The following MAG variants were observed in gnomAD, a reference collection of about 807,000 sequenced individuals.
MAG encodes the protein myelin associated glycoprotein.
MAG carries 30 observed loss-of-function variants against 60.7 expected under a neutral mutation model. That is an observed-to-expected ratio of 0.49 (90% CI 0.37 to 0.67). The LOEUF is 0.67. Ranked by LOEUF, MAG falls within the 30% of genes least tolerant of loss-of-function variation. MAG has a pLI of 0.00. For missense variants in MAG, 795 were observed against 851.7 expected, an observed-to-expected ratio of 0.93 and a Z score of 0.83; for synonymous variants, 384 against 376.8, an observed-to-expected ratio of 1.02 and a Z score of -0.22.
At chr19:35,307,293 T>G (rs1330585989) in intron 7 of MAG, among the ~76,000 whole-genome samples, 4 of 152,220 alleles carry the variant, frequency 2.6e-5, no homozygotes, top group Non-Finnish European at 4.4e-5. Flanking sequence ...CGTGTGCCCG[T>G]GTGACTCCCA....
chr19:35,307,889 G>C (rs187486614), intron 7 of MAG, among the ~76,000 whole-genome samples: 5 of 150,816 alleles, frequency 3.3e-5, no homozygotes, highest in African/African-American at 1.2e-4. Context: ...GCGGCTTTAG[G>C]GGAGGAAGTG....
chr19:35,308,213 G>A (rs982334801), intron 7 of MAG, among the ~76,000 whole-genome samples: 3 of 152,200 alleles, frequency 2.0e-5, no homozygotes, highest in South Asian at 4.1e-4. Flanking sequence ...AGAAGGAGAC[G>A]CCGCATGGGT....
chr19:35,302,814 C>A (rs2066458635), intron 7 of MAG, 106 bp downstream of exon 7: 4 of 1,390,510 alleles, frequency 2.9e-6, no homozygotes, highest in Non-Finnish European at 3.9e-6. Context: ...TTTGCCTGTC[C>A]TCCGCAGAGA....
At chr19:35,310,209 G>T (rs568201530) in intron 8 of MAG, 48 bp downstream of exon 8, 3 of 1,562,632 alleles carry the variant, frequency 1.9e-6, no homozygotes, top group African/African-American at 2.7e-5. Flanking sequence ...GAGCGGGCAC[G>T]TCTTAGATCC....
intron 7 of MAG, among the ~76,000 whole-genome samples, chr19:35,304,921 C>G (rs954176858): frequency 6.6e-6 from 1 of 152,154 alleles, no homozygotes; most frequent in Non-Finnish European, 1.5e-5. Flanking sequence ...GGAGAAAACT[C>G]AAGGGCGGAA....
intron 7 of MAG, among the ~76,000 whole-genome samples, chr19:35,306,204 C>G (rs572400150): frequency 9.9e-5 from 15 of 150,856 alleles, no homozygotes; most frequent in African/African-American, 2.7e-4. Flanking sequence ...GTCCCACCCC[C>G]CCACTCCCCC....
At position 35,310,582 on chromosome 19, in the gene MAG, G is replaced by T; in HGVS notation, c.1555G>T (p.Ala519Ser). The T allele has an allele frequency of 6.2e-7, 1 of 1,614,130 alleles. No individual in the cohort carries two copies. Among genetic ancestry groups the T allele is most frequent in the Non-Finnish European group, 8.5e-7 (1 of 1,180,034 alleles). Residue 519 changes from alanine to serine, a missense_variant, in exon 9 of 11, where the codon GCC becomes TCC. Ala to Ser is a moderately conservative substitution (Grantham distance 99, BLOSUM62 1). Coordinates refer to ENST00000392213, the MANE Select transcript of MAG (RefSeq NM_002361.4). ...GTGGGCCAAGATCGGGCCTGTGGGC[G>T]CCGTGGTCGCCTTTGCCATCCTGAT... is the stretch of plus-strand genomic sequence containing the variant. ...LMWAKIGPVG[A>S]VVAFAILIAI...
At position 35,299,543 on chromosome 19, in the gene MAG, G is replaced by A; in HGVS notation, c.416-11G>A. 1.9e-6 allele frequency: 3 copies of A among 1,563,422 alleles called. No homozygotes were observed. The highest frequency in any genetic ancestry group is 2.6e-6 in the Non-Finnish European group (3 of 1,146,416). On this transcript the variant is annotated splice_polypyrimidine_tract_variant and intron_variant, in intron 4 of 10. Transcript: ENST00000392213. Reference sequence around the variant, plus strand: ...TGCTTTCTCAGCCCTCCCTTTCCCCGCCTCGTATAGACACCCCCAACATCG... The same window carrying A: ...TGCTTTCTCAGCCCTCCCTTTCCCCACCTCGTATAGACACCCCCAACATCG...
At position 35,302,629 on chromosome 19, in the gene MAG, C is replaced by A; in HGVS notation, c.1152C>A (p.Pro384=). 1 of 1,614,180 alleles carries A rather than the reference C, an allele frequency of 6.2e-7. No homozygotes were observed. Among genetic ancestry groups the A allele is most frequent in the Non-Finnish European group, 8.5e-7 (1 of 1,180,036 alleles). The part of the protein sequence containing the change: ...ELQLELPAVS[P]EDDGEYWCVA... Reference sequence around the variant, plus strand: ...AGCTGGAGCTGCCGGCCGTGTCACCCGAGGATGATGGAGAGTACTGGTGTG... The same window carrying A: ...AGCTGGAGCTGCCGGCCGTGTCACCAGAGGATGATGGAGAGTACTGGTGTG... The change falls in exon 7 of 11, where the codon CCC becomes CCA. Residue 384 remains proline (P), a synonymous_variant. Coordinates refer to ENST00000392213, the MANE Select transcript of MAG (RefSeq NM_002361.4).
chr19:35,312,471 T>C (rs1427932423), intron 10 of MAG: 1 of 592,320 alleles, frequency 1.7e-6, no homozygotes, highest in Non-Finnish European at 3.0e-6. Flanking sequence ...TTGTCTAGTC[T>C]GTCCTGTTGC....
At chr19:35,298,846 C>T (rs372979965) in intron 4 of MAG, among the ~76,000 whole-genome samples, 9 of 151,338 alleles carry the variant, frequency 5.9e-5, no homozygotes, top group African/African-American at 1.7e-4. Flanking sequence ...ATCACACACA[C>T]ACCACACATG....
chr19:35,298,386 AAC>A (rs2145609078), intron 4 of MAG, among the ~76,000 whole-genome samples: 1 of 142,928 alleles, frequency 7.0e-6, no homozygotes, highest in South Asian at 2.3e-4. Flanking sequence ...CCACACACCA[AAC>A]ACACACCACA....
intron 6 of MAG, among the ~76,000 whole-genome samples, chr19:35,301,757 G>C (rs2066450269): frequency 6.6e-6 from 1 of 151,860 alleles, no homozygotes; most frequent in Non-Finnish European, 1.5e-5. Flanking sequence ...GTAGAGACAG[G>C]GTTTCACCAT....
intron 7 of MAG, among the ~76,000 whole-genome samples, chr19:35,306,742 T>C (rs2066488536): frequency 1.3e-5 from 2 of 152,228 alleles, no homozygotes; most frequent in Non-Finnish European, 1.5e-5. Context: ...CCGGCTGGGA[T>C]GTTAAGTGTT....
At position 35,299,838 on chromosome 19, in the gene MAG, A is replaced by T; in HGVS notation, c.700A>T (p.Met234Leu). ...CCTGCAGTTCGAGGGCTACGCCAGCATGGACGTCAAGTGTGAGCCTGGGTG... is the reference window on the plus strand; with the variant it reads ...CCTGCAGTTCGAGGGCTACGCCAGCTTGGACGTCAAGTGTGAGCCTGGGTG... ...TTLQFEGYAS[M>L]DVKYPPVIVE... is the part of the protein sequence containing the mutation. The change falls in exon 5 of 11, where the codon ATG becomes TTG. Residue 234 changes from methionine to leucine, a missense_variant. By Grantham distance (15) the Met-to-Leu change is conservative. Transcript: ENST00000392213. 7.3e-7 allele frequency: 1 copy of T among 1,377,856 alleles called. No individual in the cohort carries two copies. Among genetic ancestry groups the T allele is most frequent in the Non-Finnish European group, 9.5e-7 (1 of 1,048,776 alleles). 85.4% of individuals were successfully genotyped at this position (1,377,856 alleles called of 1,614,324 possible).
chr19:35,309,099 A>G (rs759679754), intron 7 of MAG, among the ~76,000 whole-genome samples: 1 of 152,214 alleles, frequency 6.6e-6, no homozygotes, highest in African/African-American at 2.4e-5. Flanking sequence ...AGAGAGTGTA[A>G]GAGCCAGGGC....
intron 8 of MAG, 142 bp from the exon 9 acceptor site, chr19:35,310,405 A>C (rs974320069): frequency 1.2e-6 from 1 of 829,744 alleles, no homozygotes; most frequent in Non-Finnish European, 1.9e-6. Flanking sequence ...TGGCACGAGG[A>C]GGCTCCGTGC....
At chr19:35,309,693 G>A in intron 7 of MAG, 181 bp from the exon 8 acceptor site, 1 of 668,732 alleles carries the variant, frequency 1.5e-6, no homozygotes, top group South Asian at 1.8e-5. Context: ...CGGCGGGGTC[G>A]TAGTGAGGTC....
intron 7 of MAG, among the ~76,000 whole-genome samples, chr19:35,304,089 TG>T (rs1440894911): frequency 6.6e-6 from 1 of 152,170 alleles, no homozygotes; most frequent in Admixed American, 6.5e-5. Context: ...GCTGTGTACA[TG>T]GCGACAATCA....
Sources: gnomAD v4.1 joint callset for allele counts (sites outside exome capture counted in the v4.1 genomes callset) on GRCh38, gnomAD v4.1.1 for gene constraint, MANE v1.5 for transcripts, NCBI Gene and HGNC (gene_info 2026-07-23, HGNC 2026-07-21) for gene names.